The following N4BP2 variants were observed in gnomAD, a reference collection of about 807,000 sequenced individuals.
The protein encoded by N4BP2 is NEDD4-binding protein 2.
Under a neutral mutation model 152.8 loss-of-function variants are expected in N4BP2, and 91 were observed. That is an observed-to-expected ratio of 0.60 (90% CI 0.50 to 0.71). The LOEUF is 0.71. Ranked by LOEUF, N4BP2 falls within the 30% of genes least tolerant of loss-of-function variation. N4BP2 has a pLI of 0.00. For missense variants in N4BP2, 1,923 were observed against 2,059.1 expected (o/e 0.93, Z 1.28); for synonymous variants, 646 against 705.3 (o/e 0.92, Z 1.33).
chr4:40,127,691 C>T (rs978097689), intron 12 of N4BP2, among the ~76,000 whole-genome samples: 5 of 149,280 alleles, frequency 3.3e-5, no homozygotes, highest in African/African-American at 7.4e-5. Flanking sequence ...GATGGAGTCT[C>T]GCTCTGTCGC....
intron 7 of N4BP2, among the ~76,000 whole-genome samples, chr4:40,117,572 A>G (rs540051104): frequency 6.6e-6 from 1 of 152,242 alleles, no homozygotes; most frequent in Non-Finnish European, 1.5e-5. Context: ...TATAATAAAA[A>G]ACATTTTTGA....
intron 3 of N4BP2, among the ~76,000 whole-genome samples, chr4:40,101,428 G>A (rs1242169167): frequency 6.6e-6 from 1 of 152,116 alleles, no homozygotes; most frequent in Non-Finnish European, 1.5e-5. Context: ...CCAAAGTGCT[G>A]GGATTACAGG....
intron 8 of N4BP2, among the ~76,000 whole-genome samples, chr4:40,118,334 T>C (rs1352085902): frequency 6.6e-6 from 1 of 152,162 alleles, no homozygotes; most frequent in East Asian, 1.9e-4. Flanking sequence ...GAGAATTGCT[T>C]GAACCCTGGA....
chr4:40,106,221 TG>T (rs1716267528), intron 4 of N4BP2, among the ~76,000 whole-genome samples: 1 of 152,258 alleles, frequency 6.6e-6, no homozygotes, highest in Non-Finnish European at 1.5e-5. Context: ...AAAATAGACC[TG>T]CCTTAGGTCA....
chr4:40,130,163 C>A (rs1270055715), intron 12 of N4BP2, among the ~76,000 whole-genome samples: 1 of 151,704 alleles, frequency 6.6e-6, no homozygotes, highest in Non-Finnish European at 1.5e-5. Flanking sequence ...GTAGCTGGGA[C>A]CAGAAGCGCA....
At chr4:40,183,561 C>G in the N4BP2 span, among the ~76,000 whole-genome samples, 3 of 152,172 alleles carry the variant, frequency 2.0e-5, no homozygotes, top group African/African-American at 7.2e-5. Context: ...TGGTCTCGAC[C>G]TTCTGACCTC....
chr4:40,104,791 A>T (rs547413039), intron 4 of N4BP2, among the ~76,000 whole-genome samples: 22 of 151,474 alleles, frequency 1.5e-4, no homozygotes, highest in Non-Finnish European at 2.5e-4. Context: ...GTGTTGAGAC[A>T]TAGAACCTGC....
In N4BP2 at chr4:40,056,889, C is replaced by G. The variant is rs1232053928; in HGVS notation, c.-353C>G. ...GGGCGCGCTCGCCGTGTCTCCCCCG[C>G]GGCCGCAGCTGCTTGCTAGCCTTGC... On this transcript the variant is annotated 5_prime_UTR_variant, in exon 1 of 18. Transcript: ENST00000261435. 1 of 152,050 alleles carries G rather than the reference C, an allele frequency of 6.6e-6. No individual in the cohort carries two copies. Among genetic ancestry groups the G allele is most frequent in the African/African-American group, 2.4e-5 (1 of 41,422 alleles). 9.4% of individuals were successfully genotyped at this position (152,050 alleles called of 1,614,324 possible). A position where few individuals can be genotyped will look rare whatever the true frequency, so the allele number is the denominator to read the frequency against.
chr4:40,174,648 C>A, the N4BP2 span, among the ~76,000 whole-genome samples: 1 of 151,882 alleles, frequency 6.6e-6, no homozygotes, highest in Non-Finnish European at 1.5e-5. Flanking sequence ...ACTAAAAATG[C>A]AAAAATTAGG....
At chr4:40,069,993 A>G (rs1711985851) in intron 1 of N4BP2, among the ~76,000 whole-genome samples, 1 of 152,170 alleles carries the variant, frequency 6.6e-6, no homozygotes, top group Non-Finnish European at 1.5e-5. Context: ...TGGATTAAAT[A>G]TGGTTTTATC....
chr4:40,107,992 C>T (rs189193342), intron 5 of N4BP2, among the ~76,000 whole-genome samples: 36 of 150,652 alleles, frequency 2.4e-4, no homozygotes, highest in Admixed American at 1.9e-3. Context: ...GGTGTGATCT[C>T]GGCTCACTGC....
chr4:40,076,941 C>A (rs1032605907), intron 2 of N4BP2, among the ~76,000 whole-genome samples: 6 of 152,246 alleles, frequency 3.9e-5, no homozygotes, highest in African/African-American at 1.4e-4. Context: ...GCTTCTCTTT[C>A]TGAGGAAGTT....
intron 4 of N4BP2, among the ~76,000 whole-genome samples, chr4:40,104,705 G>A (rs1351858364): frequency 6.6e-6 from 1 of 152,042 alleles, no homozygotes; most frequent in Non-Finnish European, 1.5e-5. Context: ...GCTACAGTGT[G>A]GGTAAAGAAA....
In N4BP2 at chr4:40,142,790, G is replaced by T; in HGVS notation, c.4903G>T (p.Glu1635Ter). The T allele has an allele frequency of 1.2e-6, 2 of 1,614,138 alleles. No homozygotes were observed. The highest frequency in any genetic ancestry group is 2.2e-5 in the South Asian group (2 of 91,076). Residue 1635 changes from glutamate (E) to a stop codon, truncating the protein, a stop_gained, in exon 15 of 18, where the codon GAG (glutamate) becomes TAG (stop). Transcript: ENST00000261435. LOFTEE classifies it high-confidence loss of function. The stretch of plus-strand genomic sequence containing the variant: ...TTTCCTTCACCAACAGAAGAGGATG[G>T]AGTGCTACAGCAAGGCCAAAGAAGC... Reference protein sequence around the residue: ...EAFLHQQKRMECYSKAKEAYR... With the variant: ...EAFLHQQKRM
chr4:40,116,011 C>T (rs1717306346), intron 7 of N4BP2, among the ~76,000 whole-genome samples: 1 of 152,132 alleles, frequency 6.6e-6, no homozygotes, highest in Middle Eastern at 3.4e-3. Flanking sequence ...TTTTATATCA[C>T]CCTAATTAAT....
intron 1 of N4BP2, among the ~76,000 whole-genome samples, chr4:40,069,034 C>T (rs1294383628): frequency 2.0e-5 from 3 of 152,012 alleles, no homozygotes; most frequent in East Asian, 1.9e-4. Context: ...GCAGGAGAAT[C>T]GCTTGAACCT....
chr4:40,122,365 G>T, intron 9 of N4BP2, 56 bp downstream of exon 9: 2 of 1,201,998 alleles, frequency 1.7e-6, no homozygotes, highest in Non-Finnish European at 1.1e-6. Context: ...ACTACAGAGG[G>T]TTCTATTTTG....
the N4BP2 span, among the ~76,000 whole-genome samples, chr4:40,185,203 AG>A: frequency 6.6e-6 from 1 of 152,198 alleles, no homozygotes; most frequent in Non-Finnish European, 1.5e-5. Flanking sequence ...AAATTGATTC[AG>A]GGAGTCCCCT....
chr4:40,059,453 C>T (rs1200915724), intron 1 of N4BP2, among the ~76,000 whole-genome samples: 3 of 151,856 alleles, frequency 2.0e-5, no homozygotes, highest in Non-Finnish European at 4.4e-5. Context: ...AGTGCAGTGG[C>T]GCTATCTTGT....
Sources: gnomAD v4.1 joint callset for allele counts (sites outside exome capture counted in the v4.1 genomes callset) on GRCh38, gnomAD v4.1.1 for gene constraint, MANE v1.5 for transcripts, NCBI Gene and HGNC (gene_info 2026-07-23, HGNC 2026-07-21) for gene names.